NAV2: variants seen among roughly 807,000 people sequenced by gnomAD.
NAV2 encodes the protein neuron navigator 2, also known as helicase, APC down-regulated 1.
Under a neutral mutation model 223.2 loss-of-function variants are expected in NAV2, and 54 were observed. That is an observed-to-expected ratio of 0.24 (90% CI 0.19 to 0.30). NAV2 has a LOEUF of 0.30. Ranked by LOEUF, NAV2 falls within the 10% of genes least tolerant of loss-of-function variation. The pLI is 1.00. For synonymous variants in NAV2, 1,279 were observed against 1,239.3 expected (o/e 1.03, Z -0.67); for missense variants, 2,806 against 3,147.5 (o/e 0.89, Z 2.60).
At chr11:19,411,074 C>T (rs578014841) in intron 1 of NAV2, among the ~76,000 whole-genome samples, 5 of 152,276 alleles carry the variant, frequency 3.3e-5, no homozygotes, top group East Asian at 1.9e-4. Context: ...TTGGCACACA[C>T]GGGCATGCCA....
chr11:19,690,954 C>T (rs890796728), intron 1 of NAV2, among the ~76,000 whole-genome samples: 3 of 152,226 alleles, frequency 2.0e-5, no homozygotes, highest in Non-Finnish European at 4.4e-5. Context: ...TGCCACACCC[C>T]TCAAAGCTGA....
intron 10 of NAV2, among the ~76,000 whole-genome samples, chr11:19,956,230 C>T (rs1470563488): frequency 1.3e-5 from 2 of 152,118 alleles, no homozygotes; most frequent in African/African-American, 4.8e-5. Context: ...GTTGCTTTCC[C>T]CACACAACCA....
intron 5 of NAV2, among the ~76,000 whole-genome samples, chr11:19,883,373 C>T (rs578075755): frequency 6.9e-4 from 105 of 152,336 alleles, no homozygotes; most frequent in African/African-American, 2.5e-3. Flanking sequence ...CATCTCATAA[C>T]TGACATGGTG....
At chr11:19,431,457 T>C (rs1452483895) in intron 1 of NAV2, among the ~76,000 whole-genome samples, 1 of 152,188 alleles carries the variant, frequency 6.6e-6, no homozygotes, top group Non-Finnish European at 1.5e-5. Flanking sequence ...AAAAAGACCC[T>C]GCCTCCATGG....
chr11:20,102,755 T>C (rs556520711), intron 32 of NAV2, among the ~76,000 whole-genome samples: 1 of 152,270 alleles, frequency 6.6e-6, no homozygotes, highest in South Asian at 2.1e-4. Flanking sequence ...CTAGTCCCTG[T>C]TGAGCCAATG....
chr11:19,393,967 A>G (rs1849350031), intron 1 of NAV2, among the ~76,000 whole-genome samples: 1 of 132,368 alleles, frequency 7.6e-6, no homozygotes, highest in Admixed American at 8.4e-5. Flanking sequence ...AGACTGTTGT[A>G]TCAGAAACTT....
At chr11:19,790,093 G>A (rs760796430) in intron 1 of NAV2, among the ~76,000 whole-genome samples, 6 of 152,142 alleles carry the variant, frequency 3.9e-5, no homozygotes, top group Non-Finnish European at 7.4e-5. Flanking sequence ...TCCCAGCCTC[G>A]GATGCTATCT....
At chr11:19,568,251 C>A (rs1364875013) in intron 1 of NAV2, among the ~76,000 whole-genome samples, 1 of 152,210 alleles carries the variant, frequency 6.6e-6, no homozygotes, top group African/African-American at 2.4e-5. Context: ...CCAGGGCTGT[C>A]TTTGGGGGCT....
intron 1 of NAV2, among the ~76,000 whole-genome samples, chr11:19,737,216 C>G (rs1021742388): frequency 6.6e-6 from 1 of 152,210 alleles, no homozygotes; most frequent in African/African-American, 2.4e-5. Context: ...CCTGGTCAAT[C>G]CCAGCCACTG....
chr11:19,363,547 C>A (rs1321365800), intron 1 of NAV2, among the ~76,000 whole-genome samples: 1 of 152,210 alleles, frequency 6.6e-6, no homozygotes, highest in Non-Finnish European at 1.5e-5. Flanking sequence ...TGATTCATTT[C>A]TATCCACGGA....
At chr11:19,360,906 G>A (rs1258049544) in intron 1 of NAV2, among the ~76,000 whole-genome samples, 1 of 152,100 alleles carries the variant, frequency 6.6e-6, no homozygotes, top group Non-Finnish European at 1.5e-5. Context: ...GTCTACTTAG[G>A]TCCCACAAAC....
chr11:19,832,306 C>T (rs1565394510), intron 1 of NAV2, among the ~76,000 whole-genome samples, 178 bp from the exon 2 acceptor site: 1 of 152,188 alleles, frequency 6.6e-6, no homozygotes, highest in Non-Finnish European at 1.5e-5. Flanking sequence ...TAGGCTAAGG[C>T]CCAGCTATGG....
intron 1 of NAV2, among the ~76,000 whole-genome samples, chr11:19,747,653 C>A (rs1345769104): frequency 6.6e-6 from 1 of 152,180 alleles, no homozygotes; most frequent in African/African-American, 2.4e-5. Flanking sequence ...GGAGGCAAAT[C>A]TGCTTTTGTC....
At chr11:19,988,220 C>T (rs1204951155) in intron 11 of NAV2, among the ~76,000 whole-genome samples, 2 of 152,190 alleles carry the variant, frequency 1.3e-5, no homozygotes, top group Non-Finnish European at 2.9e-5. Context: ...ACGGGCTGAG[C>T]CAGTTAGATG....
intron 7 of NAV2, among the ~76,000 whole-genome samples, chr11:19,934,843 A>G (rs1411480286): frequency 6.6e-6 from 1 of 151,960 alleles, no homozygotes; most frequent in African/African-American, 2.4e-5. Context: ...GAAGAACAAG[A>G]GCTCATGTTC....
intron 20 of NAV2, among the ~76,000 whole-genome samples, chr11:20,064,479 G>C (rs2058910846): frequency 6.6e-6 from 1 of 152,170 alleles, no homozygotes; most frequent in Admixed American, 6.5e-5. Flanking sequence ...CAACACAGAG[G>C]GGAGTGGGTT....
At position 20,083,306 on chromosome 11, in the gene NAV2, T is replaced by G. The variant is rs2060208136; in HGVS notation, c.5498+127T>G. The G allele has an allele frequency of 1.2e-5, 8 of 676,056 alleles. No individual in the cohort carries two copies. The South Asian group carries it at 1.8e-4, about 16-fold the overall frequency. The allele number at this position is 676,056 out of a possible 1,614,324, so 41.9% of individuals were successfully genotyped here. On this transcript the variant is annotated intron_variant, in intron 26 of 37. Coordinates refer to ENST00000349880, the MANE Select transcript of NAV2 (RefSeq NM_145117.5). ...CCTTTATGCTTTGCTTTAATAGGAC[T>G]GTGCATGTTCTTTCAATGCTTTAGG...
chr11:19,469,826 C>T (rs942497637), intron 1 of NAV2, among the ~76,000 whole-genome samples: 4 of 152,224 alleles, frequency 2.6e-5, no homozygotes, highest in Non-Finnish European at 1.5e-5. Context: ...ATTTTCTCAC[C>T]TAGGCAGCTT....
rs183570895 is a variant in NAV2, at chr11:19,930,302, C to T, written c.932-2874C>T. ...TACTTAGTTGGTTAATTTCTAGCTGCGATTGTTAGTGTTAAAAAAAATAGA... is the reference window on the plus strand; with the variant it reads ...TACTTAGTTGGTTAATTTCTAGCTGTGATTGTTAGTGTTAAAAAAAATAGA... On this transcript the variant is annotated intron_variant, in intron 6 of 37. Transcript: ENST00000349880. 7.3e-4 allele frequency among the ~76,000 whole-genome samples: 111 copies of T among 152,090 alleles called. 1 individual carries two copies. The East Asian group carries it at 0.019, about 26-fold the overall frequency.
Sources: gnomAD v4.1 joint callset for allele counts (sites outside exome capture counted in the v4.1 genomes callset) on GRCh38, gnomAD v4.1.1 for gene constraint, MANE v1.5 for transcripts, NCBI Gene and HGNC (gene_info 2026-07-23, HGNC 2026-07-21) for gene names.